The following RCOR1 variants were observed in gnomAD, a reference collection of about 807,000 sequenced individuals.
RCOR1 encodes the protein REST corepressor.
RCOR1 carries 12 observed loss-of-function variants against 64.0 expected under a neutral mutation model. The observed-to-expected ratio is 0.19, with a 90% CI of 0.12 to 0.30. RCOR1 has a LOEUF of 0.30. Ranked by LOEUF, RCOR1 falls within the 10% of genes least tolerant of loss-of-function variation. RCOR1 has a pLI of 1.00. For missense variants in RCOR1, 502 were observed against 621.2 expected, an observed-to-expected ratio of 0.81 and a Z score of 2.04; for synonymous variants, 279 against 227.2, an observed-to-expected ratio of 1.23 and a Z score of -2.05.
chr14:102,668,584 A>C (rs1894964640), intron 2 of RCOR1, among the ~76,000 whole-genome samples: 1 of 152,088 alleles, frequency 6.6e-6, no homozygotes, highest in African/African-American at 2.4e-5. Flanking sequence ...CTCCCTGTCC[A>C]GCTTTGTTCT....
chr14:102,606,163 T>C (rs532665916), intron 2 of RCOR1, among the ~76,000 whole-genome samples: 1 of 152,278 alleles, frequency 6.6e-6, no homozygotes, highest in South Asian at 2.1e-4. Flanking sequence ...CGACCTCAAG[T>C]GATCTGCCTG....
chr14:102,616,246 G>GTGTGTGTA (rs1893759757), intron 2 of RCOR1, among the ~76,000 whole-genome samples: 2 of 108,386 alleles, frequency 1.8e-5, no homozygotes, highest in Non-Finnish European at 4.3e-5. Flanking sequence ...GTGTGTGTGT[G>GTGTGTGTA]TGTATGTGTG....
intron 2 of RCOR1, chr14:102,657,183 G>T: frequency 1.0e-6 from 1 of 984,792 alleles, no homozygotes; most frequent in East Asian, 1.1e-4. Context: ...TATTTTTGAG[G>T]ATATCTTTGC....
chr14:102,719,680 A>G (rs1344121286), intron 8 of RCOR1, among the ~76,000 whole-genome samples: 3 of 152,212 alleles, frequency 2.0e-5, no homozygotes, highest in Non-Finnish European at 4.4e-5. Context: ...GCTACTGAGC[A>G]TTTAGAGCTA....
intron 5 of RCOR1, 49 bp downstream of exon 5, chr14:102,707,561 C>T (rs374454637): frequency 5.8e-5 from 83 of 1,440,746 alleles, no homozygotes; most frequent in Non-Finnish European, 7.7e-5. Flanking sequence ...CTATCTAACT[C>T]TCTTTTGCAG....
At chr14:102,593,934 A>G (rs973521069) in intron 2 of RCOR1, among the ~76,000 whole-genome samples, 14 of 152,224 alleles carry the variant, frequency 9.2e-5, no homozygotes, top group African/African-American at 3.4e-4. Flanking sequence ...GTTGGATTTT[A>G]GGACCTATTT....
intron 2 of RCOR1, chr14:102,659,169 A>G (rs1249633534): frequency 1.0e-6 from 1 of 984,908 alleles, no homozygotes; most frequent in Non-Finnish European, 1.2e-6. Flanking sequence ...TTTAAAAAGA[A>G]GCTCTTTAGA....
In RCOR1 at chr14:102,592,949, GGCCGCCTCCGCCTCC is replaced by G. The variant is rs1461527542; in HGVS notation, c.70_84del (p.Ser24_Ala28del). 7.1e-5 allele frequency: 85 copies of G among 1,200,736 alleles called. No homozygotes were observed. Among genetic ancestry groups the G allele is most frequent in the Non-Finnish European group, 8.0e-5 (77 of 962,740 alleles). The allele number at this position is 1,200,736 out of a possible 1,614,324, so 74.4% of individuals were successfully genotyped here. On this transcript the variant is annotated inframe_deletion, in exon 1 of 12. Coordinates refer to ENST00000262241, the MANE Select transcript of RCOR1 (RefSeq NM_015156.4). ...GGAAGCGGAGAGGGAGGAACAACGC[GGCCGCCTCCGCCTCC>G]GCCGCCGCCGCCTCCGCCGCCGCCT...
intron 2 of RCOR1, 28 bp downstream of exon 2, chr14:102,593,353 G>A: frequency 6.6e-7 from 1 of 1,504,250 alleles, no homozygotes; most frequent in Non-Finnish European, 8.8e-7. Context: ...CCGGCCGGCG[G>A]CGGGGATGAG....
At chr14:102,708,256 C>T (rs1019015461) in intron 5 of RCOR1, among the ~76,000 whole-genome samples, 5 of 152,158 alleles carry the variant, frequency 3.3e-5, no homozygotes, top group Admixed American at 2.0e-4. Flanking sequence ...TGAGTCACCA[C>T]ATCCGGCCTA....
At chr14:102,700,473 C>G (rs1343892233) in intron 3 of RCOR1, among the ~76,000 whole-genome samples, 1 of 152,134 alleles carries the variant, frequency 6.6e-6, no homozygotes, top group Non-Finnish European at 1.5e-5. Context: ...TTCGCCTGCC[C>G]TAGCCTCCCA....
intron 2 of RCOR1, among the ~76,000 whole-genome samples, chr14:102,626,417 A>G (rs905419373): frequency 5.9e-5 from 9 of 152,218 alleles, no homozygotes; most frequent in African/African-American, 1.4e-4. Flanking sequence ...AGGCTACAGC[A>G]TCATAAGAAC....
At chr14:102,705,754 C>A (rs1180622593) in intron 4 of RCOR1, among the ~76,000 whole-genome samples, 2 of 152,116 alleles carry the variant, frequency 1.3e-5, no homozygotes, top group Admixed American at 1.3e-4. Context: ...CCACAACACC[C>A]AGCCTCAGAA....
chr14:102,726,889 C>A lies in RCOR1; in HGVS notation c.*383C>A. The A allele has an allele frequency of 4.4e-6, 1 of 225,864 alleles. No individual in the cohort carries two copies. The highest frequency in any genetic ancestry group is 8.6e-6 in the Non-Finnish European group (1 of 116,848). The allele number at this position is 225,864 out of a possible 1,614,324, so 14.0% of individuals were successfully genotyped here. On this transcript the variant is annotated 3_prime_UTR_variant, in exon 12 of 12. Coordinates refer to ENST00000262241, the MANE Select transcript of RCOR1 (RefSeq NM_015156.4). ...AGGCCCGACTCTGTTCCTGCATGGCCTGCAGTTTCTACTTTGTGCATAGAG... is the reference window on the plus strand; with the variant it reads ...AGGCCCGACTCTGTTCCTGCATGGCATGCAGTTTCTACTTTGTGCATAGAG...
At chr14:102,664,410 TG>T (rs567909574) in intron 2 of RCOR1, among the ~76,000 whole-genome samples, 133 of 152,344 alleles carry the variant, frequency 8.7e-4, no homozygotes, top group Middle Eastern at 6.8e-3. Context: ...CCACCATGCC[TG>T]GCTTTGAGCC....
chr14:102,723,909 C>G (rs763669848), intron 11 of RCOR1, among the ~76,000 whole-genome samples: 37 of 152,168 alleles, frequency 2.4e-4, no homozygotes, highest in Non-Finnish European at 4.1e-4. Flanking sequence ...CATAACAAAT[C>G]TCATAGTAAA....
intron 3 of RCOR1, among the ~76,000 whole-genome samples, chr14:102,693,381 G>A (rs191370407): frequency 6.6e-6 from 1 of 152,114 alleles, no homozygotes; most frequent in African/African-American, 2.4e-5. Flanking sequence ...TTAAATCAGT[G>A]GAGAATAATT....
At chr14:102,639,167 G>A (rs1349728435) in intron 2 of RCOR1, among the ~76,000 whole-genome samples, 1 of 151,996 alleles carries the variant, frequency 6.6e-6, no homozygotes, top group Non-Finnish European at 1.5e-5. Flanking sequence ...TTTCTTTTGT[G>A]CGGTGAAGGT....
intron 2 of RCOR1, among the ~76,000 whole-genome samples, chr14:102,656,544 T>A (rs1379170097): frequency 6.6e-6 from 1 of 152,106 alleles, no homozygotes; most frequent in Non-Finnish European, 1.5e-5. Context: ...GTGCCATCAC[T>A]GCAACCTCTG....
Sources: allele counts gnomAD v4.1 joint callset (sites outside exome capture counted in the v4.1 genomes callset), GRCh38; gene constraint gnomAD v4.1.1; transcripts MANE v1.5; gene names NCBI Gene and HGNC (gene_info 2026-07-23, HGNC 2026-07-21).